GRIA1: variants seen among roughly 807,000 people sequenced by gnomAD.
The protein encoded by GRIA1 is glutamate ionotropic receptor AMPA type subunit 1, also known as glutamate receptor 1.
Under a neutral mutation model 99.2 loss-of-function variants are expected in GRIA1, and 31 were observed. The observed-to-expected ratio is 0.31, with a 90% CI of 0.23 to 0.42. GRIA1 has a LOEUF of 0.42. Ranked by LOEUF, GRIA1 falls within the 10% of genes least tolerant of loss-of-function variation. The pLI, the probability that GRIA1 is intolerant of heterozygous loss-of-function variation, is 1.00. For synonymous variants in GRIA1, 438 were observed against 432.4 expected, an observed-to-expected ratio of 1.01 and a Z score of -0.16; for missense variants, 782 against 1,157.5, an observed-to-expected ratio of 0.68 and a Z score of 4.71.
chr5:153,766,479 G>A (rs1013656584), intron 12 of GRIA1, among the ~76,000 whole-genome samples: 8 of 152,132 alleles, frequency 5.3e-5, no homozygotes, highest in African/African-American at 7.2e-5. Flanking sequence ...TTGCACCTAT[G>A]GTTTCATTTT....
chr5:153,809,830 C>T (rs1766692298), intron 15 of GRIA1, among the ~76,000 whole-genome samples: 1 of 152,172 alleles, frequency 6.6e-6, no homozygotes, highest in Non-Finnish European at 1.5e-5. Context: ...GAGGAGCCAG[C>T]ACTTACAGCA....
chr5:153,669,058 AC>A (rs756944097), intron 5 of GRIA1, among the ~76,000 whole-genome samples: 35 of 152,290 alleles, frequency 2.3e-4, no homozygotes, highest in Non-Finnish European at 4.3e-4. Context: ...AGGTCTCTTA[AC>A]CATAGCTCCT....
At chr5:153,694,566 T>C (rs1371946462) in intron 8 of GRIA1, among the ~76,000 whole-genome samples, 1 of 152,236 alleles carries the variant, frequency 6.6e-6, no homozygotes, top group Non-Finnish European at 1.5e-5. Context: ...TTAACTAATG[T>C]AGTTCTCATA....
At chr5:153,635,607 A>G (rs921100550) in intron 2 of GRIA1, among the ~76,000 whole-genome samples, 1 of 152,162 alleles carries the variant, frequency 6.6e-6, no homozygotes, top group Non-Finnish European at 1.5e-5. Flanking sequence ...ACCTAACCCA[A>G]GAATGAGACT....
intron 2 of GRIA1, among the ~76,000 whole-genome samples, chr5:153,553,623 G>A (rs12521029): frequency 0.064 from 9,813 of 152,152 alleles, 395 homozygotes; most frequent in South Asian, 0.15. Flanking sequence ...GTTTACTGAA[G>A]TTGTATCCAT....
intron 11 of GRIA1, among the ~76,000 whole-genome samples, chr5:153,760,836 A>T (rs1210250138): frequency 6.6e-6 from 1 of 152,182 alleles, no homozygotes; most frequent in African/African-American, 2.4e-5. Flanking sequence ...CACAACACAC[A>T]GACTAATGGA....
chr5:153,643,614 G>A (rs1324877244), intron 2 of GRIA1, among the ~76,000 whole-genome samples: 4 of 152,130 alleles, frequency 2.6e-5, no homozygotes, highest in Admixed American at 6.6e-5. Context: ...AAGTTTGGCT[G>A]AAGTGTAGAA....
intron 2 of GRIA1, among the ~76,000 whole-genome samples, chr5:153,636,191 G>A (rs531509107): frequency 6.6e-6 from 1 of 152,228 alleles, no homozygotes; most frequent in African/African-American, 2.4e-5. Flanking sequence ...ATGACCCTTG[G>A]CTCCTCATCT....
At chr5:153,565,071 A>G (rs1043408356) in intron 2 of GRIA1, among the ~76,000 whole-genome samples, 1 of 152,212 alleles carries the variant, frequency 6.6e-6, no homozygotes, top group African/African-American at 2.4e-5. Flanking sequence ...CTTAGAGGAT[A>G]TGGAAACCTC....
intron 2 of GRIA1, among the ~76,000 whole-genome samples, chr5:153,590,721 T>G (rs1763898704): frequency 6.6e-6 from 1 of 152,196 alleles, no homozygotes; most frequent in Non-Finnish European, 1.5e-5. Flanking sequence ...GCATCCTTAT[T>G]TTACCTCTTC....
chr5:153,628,627 G>A (rs768867353), intron 2 of GRIA1, among the ~76,000 whole-genome samples: 24 of 152,134 alleles, frequency 1.6e-4, no homozygotes, highest in Admixed American at 2.6e-4. Flanking sequence ...AAAAGTTAAC[G>A]AAATGCACCT....
chr5:153,724,956 A>T (rs1442341881), intron 11 of GRIA1, among the ~76,000 whole-genome samples: 1 of 152,244 alleles, frequency 6.6e-6, no homozygotes, highest in East Asian at 1.9e-4. Flanking sequence ...CAGATACACC[A>T]AAGTTGAAAT....
intron 2 of GRIA1, among the ~76,000 whole-genome samples, chr5:153,509,242 T>C (rs1179291535): frequency 1.3e-5 from 2 of 152,182 alleles, no homozygotes; most frequent in Non-Finnish European, 2.9e-5. Context: ...GGAAAAGGTG[T>C]TAGTAGAAGA....
intron 2 of GRIA1, among the ~76,000 whole-genome samples, chr5:153,542,883 A>G (rs552932124): frequency 3.9e-5 from 6 of 152,160 alleles, no homozygotes; most frequent in Non-Finnish European, 5.9e-5. Context: ...CTCTCACTAA[A>G]TTATGTGAGT....
intron 11 of GRIA1, among the ~76,000 whole-genome samples, chr5:153,715,267 G>A (rs1300709010): frequency 1.3e-5 from 2 of 151,856 alleles, no homozygotes; most frequent in South Asian, 2.1e-4. Flanking sequence ...CTGTCTCCCA[G>A]CTCCATGCTC....
At chr5:153,768,568 A>G (rs1401666095) in intron 12 of GRIA1, among the ~76,000 whole-genome samples, 2 of 152,090 alleles carry the variant, frequency 1.3e-5, no homozygotes, top group African/African-American at 4.8e-5. Context: ...AACTATTTCC[A>G]TTACTTTTCC....
chr5:153,794,545 C>G lies in GRIA1; in HGVS notation c.2271-76C>G, dbSNP rs1015448322. 4 of 983,314 alleles carry G rather than the reference C, an allele frequency of 4.1e-6. No individual in the cohort carries two copies. In the African/African-American group the frequency reaches 6.4e-5, roughly 16 times the overall value. 60.9% of individuals were successfully genotyped at this position (983,314 alleles called of 1,614,324 possible). ...AGGCTGGGTAATGGAGCTGATTCACCGATCCCTTGGGTCACGTGACTTGCT... is the reference window on the plus strand; with the variant it reads ...AGGCTGGGTAATGGAGCTGATTCACGGATCCCTTGGGTCACGTGACTTGCT... On this transcript the variant is annotated intron_variant, in intron 13 of 15. Transcript: ENST00000285900.
At chr5:153,643,185 C>T (rs1264841676) in intron 2 of GRIA1, among the ~76,000 whole-genome samples, 1 of 152,068 alleles carries the variant, frequency 6.6e-6, no homozygotes, top group Non-Finnish European at 1.5e-5. Context: ...AAAATATTGT[C>T]GAATCAGTAA....
intron 13 of GRIA1, among the ~76,000 whole-genome samples, chr5:153,781,555 T>C (rs1281734419): frequency 1.3e-5 from 2 of 152,152 alleles, no homozygotes; most frequent in Non-Finnish European, 2.9e-5. Context: ...GCTGATTGCT[T>C]ATCACATAGA....
Sources: allele counts gnomAD v4.1 joint callset (sites outside exome capture counted in the v4.1 genomes callset), GRCh38; gene constraint gnomAD v4.1.1; transcripts MANE v1.5; gene names NCBI Gene and HGNC (gene_info 2026-07-23, HGNC 2026-07-21).